VCP: variants seen among roughly 807,000 people sequenced by gnomAD.
VCP encodes transitional endoplasmic reticulum ATPase.
Under a neutral mutation model 85.7 loss-of-function variants are expected in VCP, and 6 were observed. That is an observed-to-expected ratio of 0.07 (90% CI 0.04 to 0.14). The LOEUF is 0.14. Ranked by LOEUF, VCP falls within the 10% of genes least tolerant of loss-of-function variation. The pLI is 1.00. For synonymous variants in VCP, 384 were observed against 367.1 expected (o/e 1.05, Z -0.53); for missense variants, 353 against 1,043.4 (o/e 0.34, Z 9.12).
intron 6 of VCP, among the ~76,000 whole-genome samples, chr9:35,063,805 CA>C (rs1828774136): frequency 6.6e-6 from 1 of 152,248 alleles, no homozygotes; most frequent in Admixed American, 6.5e-5. Context: ...TACTGGGTGA[CA>C]TTGCTCTAGA....
At chr9:35,058,749 A>C (rs1158252656) in intron 15 of VCP, among the ~76,000 whole-genome samples, 3 of 152,216 alleles carry the variant, frequency 2.0e-5, no homozygotes, top group Non-Finnish European at 4.4e-5. Context: ...TCTGGGCAAC[A>C]GAGTGAGACT....
rs1396699547 is a variant in VCP, at chr9:35,072,370, G to A, written c.-17C>T. The A allele has an allele frequency of 4.7e-6, 7 of 1,474,518 alleles. No individual in the cohort carries two copies. The highest frequency in any genetic ancestry group is 1.3e-5 in the South Asian group (1 of 77,382). 91.3% of individuals were successfully genotyped at this position (1,474,518 alleles called of 1,614,324 possible). ...AGAAGCCATGGCGCGCGCCTCTCCCGGCCGGCGGCTGTGGCGGCCCGCGGG... is the reference window on the plus strand; with the variant it reads ...AGAAGCCATGGCGCGCGCCTCTCCCAGCCGGCGGCTGTGGCGGCCCGCGGG... On this transcript the variant is annotated 5_prime_UTR_variant, in exon 1 of 17. Transcript: ENST00000358901.
In VCP at chr9:35,059,825, A is replaced by T; in HGVS notation, c.1696-24T>A. The T allele has an allele frequency of 1.2e-6, 2 of 1,614,046 alleles. No homozygotes were observed. ...GCCTGTAGGAGGAATGGATTGATTC[A>T]AGCACTAACAAAACTAGATGTCTCT... On this transcript the variant is annotated intron_variant, in intron 13 of 16. Transcript: ENST00000358901. The surrounding 1 kb of genome is among the most constrained non-coding windows in gnomAD (Gnocchi z 4.9).
intron 9 of VCP, 150 bp from the exon 10 acceptor site, chr9:35,061,839 A>G: frequency 1.4e-6 from 2 of 1,454,912 alleles, no homozygotes; most frequent in Non-Finnish European, 9.5e-7. Context: ...TTTCAGTCTC[A>G]GGAAAACCAG....
rs141400885 is a variant in VCP at position 35,061,325 on chromosome 9, G to A, written c.1195-146C>T. ...TACTATCAATACCTTTATGGGCTGG[G>A]TTTTAAGTACTTAATTCTGGACTTG... On this transcript the variant is annotated intron_variant, in intron 10 of 16. Coordinates refer to ENST00000358901, the MANE Select transcript of VCP (RefSeq NM_007126.5). The A allele has an allele frequency of 2.0e-5, 24 of 1,193,152 alleles. No homozygotes were observed. In the East Asian group the frequency reaches 5.8e-4, roughly 29 times the overall value. The allele number at this position is 1,193,152 out of a possible 1,614,324, so 73.9% of individuals were successfully genotyped here.
Position 35,068,397 on chromosome 9 carries a change from G to A in VCP, c.18-35C>T, listed in dbSNP as rs868357373. 1.0e-5 allele frequency: 16 copies of A among 1,547,250 alleles called. 1 individual carries two copies. The Middle Eastern group carries it at 2.2e-3, about 212-fold the overall frequency. On this transcript the variant is annotated intron_variant, in intron 1 of 16. Transcript: ENST00000358901. ...GGAAATGGAGTCAGTAGATACTCCT[G>A]CCCCAAGCGCCTCGCCAGTCTCTAA...
chr9:35,063,498 C>T (rs947054332), intron 6 of VCP, among the ~76,000 whole-genome samples: 1 of 152,172 alleles, frequency 6.6e-6, no homozygotes. Context: ...AGTAATCATG[C>T]CCTCCAGAAT....
At chr9:35,058,569 T>A (rs2131027945) in intron 15 of VCP, among the ~76,000 whole-genome samples, 1 of 152,216 alleles carries the variant, frequency 6.6e-6, no homozygotes, top group Non-Finnish European at 1.5e-5. Context: ...GAGACCATCC[T>A]GGCTAACGTG....
chr9:35,060,228 A>T, intron 13 of VCP, 85 bp downstream of exon 13: 1 of 1,398,146 alleles, frequency 7.2e-7, no homozygotes, highest in South Asian at 1.2e-5. Flanking sequence ...CAGCACTAAG[A>T]ATATTTCAAC....
chr9:35,067,765 G>C, intron 3 of VCP, 126 bp downstream of exon 3: 1 of 1,268,128 alleles, frequency 7.9e-7, no homozygotes, highest in South Asian at 1.3e-5. Context: ...GTCTTCCCAT[G>C]ACCAGGAGGC....
At chr9:35,065,441 C>T in intron 4 of VCP, 60 bp from the exon 5 acceptor site, 1 of 1,610,394 alleles carries the variant, frequency 6.2e-7, no homozygotes, top group East Asian at 2.2e-5. Flanking sequence ...AAAGTGAGAA[C>T]TCATCAGACC....
chr9:35,065,740 G>T (rs1828815737), intron 4 of VCP, among the ~76,000 whole-genome samples: 1 of 152,184 alleles, frequency 6.6e-6, no homozygotes. Flanking sequence ...CTCCTTCAGA[G>T]ATCCATAAAG....
At position 35,059,432 on chromosome 9, in the gene VCP, G is replaced by C. The variant is rs955944965; in HGVS notation, c.2004+61C>G. Reference sequence around the variant, plus strand: ...TGGAATCTTGTCCAGAAACTAAAGAGCACTCCGTACCAGCCTGAGGACTCA... The same window carrying C: ...TGGAATCTTGTCCAGAAACTAAAGACCACTCCGTACCAGCCTGAGGACTCA... On this transcript the variant is annotated intron_variant, in intron 14 of 16. Coordinates refer to ENST00000358901, the MANE Select transcript of VCP (RefSeq NM_007126.5). The surrounding 1 kb of genome is among the most constrained non-coding windows in gnomAD (Gnocchi z 4.9). 1.3e-6 allele frequency: 2 copies of C among 1,597,868 alleles called. No homozygotes were observed. The highest frequency in any genetic ancestry group is 2.7e-5 in the African/African-American group (2 of 74,558).
In VCP at chr9:35,065,825, C is replaced by T. The variant is rs190973340; in HGVS notation, c.446-444G>A. The stretch of plus-strand genomic sequence containing the variant: ...GATGGAGGAAAAAAAGAGGGTAAGA[C>T]ATATGAATATGTGTGCAGGGTTTGC... On this transcript the variant is annotated intron_variant, in intron 4 of 16. Coordinates refer to ENST00000358901, the MANE Select transcript of VCP (RefSeq NM_007126.5). Among the ~76,000 whole-genome samples, 762 of 152,278 alleles carry T rather than the reference C, an allele frequency of 5.0e-3. 33 individuals carry two copies. Among genetic ancestry groups the T allele is most frequent in the Admixed American group, 0.046 (697 of 15,284 alleles).
rs1268424817 is a variant in VCP at position 35,062,268 on chromosome 9, A to T, written c.894T>A (p.Pro298=). The T allele has an allele frequency of 2.5e-6, 4 of 1,614,100 alleles. No individual in the cohort carries two copies. The highest frequency in any genetic ancestry group is 3.4e-6 in the Non-Finnish European group (4 of 1,180,042). The change falls in exon 8 of 17, where the codon CCT becomes CCA. Residue 298 remains proline (P), a synonymous_variant. Transcript: ENST00000358901. The part of the protein sequence containing the change: ...KAFEEAEKNA[P]AIIFIDELDA... ...CTAGCTCATCAATGAAGATGATGGC[A>T]GGAGCATTCTTCTCAGCCTCCTCAA...
chr9:35,060,932 G>C lies in VCP; in HGVS notation c.1360-9C>G, dbSNP rs770599017. The stretch of plus-strand genomic sequence containing the variant: ...CTCTGGCTCAAGGCCCACTAGAAAA[G>C]GAGGGAAAACTGGGGATGAGACTTA... On this transcript the variant is annotated splice_polypyrimidine_tract_variant and intron_variant, in intron 11 of 16. Coordinates refer to ENST00000358901, the MANE Select transcript of VCP (RefSeq NM_007126.5). The C allele has an allele frequency of 6.2e-7, 1 of 1,614,188 alleles. No individual in the cohort carries two copies. Among genetic ancestry groups the C allele is most frequent in the South Asian group, 1.1e-5 (1 of 91,082 alleles).
Position 35,071,719 on chromosome 9 carries a change from G to C in VCP, c.17+618C>G, listed in dbSNP as rs541224058. 2.2e-3 allele frequency: 2,138 copies of C among 986,360 alleles called. 4 individuals carry two copies. The highest frequency in any genetic ancestry group is 2.4e-3 in the Non-Finnish European group (2,025 of 830,344). 61.1% of individuals were successfully genotyped at this position (986,360 alleles called of 1,614,324 possible). A position where few individuals can be genotyped will look rare whatever the true frequency, so the allele number is the denominator to read the frequency against. ...GGTAGGGCTCGCCCTCTCCCTAACA[G>C]TCCTTCACGACTCAGGTCACACACA... On this transcript the variant is annotated intron_variant, in intron 1 of 16. Coordinates refer to ENST00000358901, the MANE Select transcript of VCP (RefSeq NM_007126.5).
chr9:35,060,653 A>C (rs372708154), intron 12 of VCP, 128 bp from the exon 13 acceptor site: 75 of 1,529,710 alleles, frequency 4.9e-5, no homozygotes, highest in East Asian at 2.7e-4. Flanking sequence ...CTCTAGAAGA[A>C]GACTCCTTAG....
chr9:35,071,978 G>T, intron 1 of VCP: 2 of 1,091,066 alleles, frequency 1.8e-6, no homozygotes, highest in Non-Finnish European at 2.2e-6. Context: ...ACGGCAGACT[G>T]GCGCCCCAAA....
Sources: allele counts gnomAD v4.1 joint callset (sites outside exome capture counted in the v4.1 genomes callset), GRCh38; gene constraint gnomAD v4.1.1; non-coding constraint Gnocchi (gnomAD v3.1); transcripts MANE v1.5; gene names NCBI Gene and HGNC (gene_info 2026-07-23, HGNC 2026-07-21).